The following MSRA variants were observed in gnomAD, a reference collection of about 807,000 sequenced individuals.
MSRA encodes methionine sulfoxide reductase A, also known as mitochondrial peptide methionine sulfoxide reductase.
A neutral mutation model predicts 31.3 loss-of-function variants in MSRA; 54 were observed. The ratio of observed to expected loss-of-function variants is 1.73; its 90% CI spans 1.39 to 2.17. MSRA has a LOEUF of 2.17. Ranked by LOEUF, MSRA falls within the 30% of genes most tolerant of loss-of-function variation. The pLI is 0.00. For missense variants in MSRA, 507 were observed against 300.9 expected, an observed-to-expected ratio of 1.69 and a Z score of -5.07; for synonymous variants, 169 against 116.5, an observed-to-expected ratio of 1.45 and a Z score of -2.90.
chr8:10,140,422 A>G (rs957315741), intron 1 of MSRA, among the ~76,000 whole-genome samples: 4 of 152,110 alleles, frequency 2.6e-5, no homozygotes, highest in African/African-American at 9.7e-5. Flanking sequence ...CTTTACAAAG[A>G]TTTCCTATTT....
At chr8:10,265,698 G>A (rs544002642) in intron 3 of MSRA, among the ~76,000 whole-genome samples, 3 of 152,184 alleles carry the variant, frequency 2.0e-5, no homozygotes, top group Non-Finnish European at 4.4e-5. Flanking sequence ...CCACAGTCAA[G>A]ATAATGAGCA....
At chr8:10,368,533 A>G (rs987494479) in intron 5 of MSRA, among the ~76,000 whole-genome samples, 1 of 152,264 alleles carries the variant, frequency 6.6e-6, no homozygotes, top group Admixed American at 6.5e-5. Context: ...ACTCATGGCC[A>G]ACACCGGAGT....
At chr8:10,209,126 T>C (rs888600276) in intron 2 of MSRA, among the ~76,000 whole-genome samples, 13 of 152,208 alleles carry the variant, frequency 8.5e-5, no homozygotes, top group African/African-American at 3.1e-4. Flanking sequence ...GAAATTTAAA[T>C]GGAGAAGTTG....
At chr8:10,278,466 T>C (rs2975648) in intron 3 of MSRA, among the ~76,000 whole-genome samples, 70,146 of 152,062 alleles carry the variant, frequency 0.46, 17,145 homozygotes, top group East Asian at 0.81. Flanking sequence ...ATTCAGGGGG[T>C]CATACAGCTT....
intron 2 of MSRA, among the ~76,000 whole-genome samples, chr8:10,226,398 G>T (rs1395340282): frequency 6.6e-6 from 1 of 152,144 alleles, no homozygotes; most frequent in African/African-American, 2.4e-5. Context: ...TTGCTTTGGG[G>T]ACCTTTCATG....
intron 3 of MSRA, among the ~76,000 whole-genome samples, chr8:10,270,900 C>T (rs147085807): frequency 0.01 from 1,591 of 152,228 alleles, 12 homozygotes; most frequent in Middle Eastern, 0.02. Flanking sequence ...GGGAGCCAGG[C>T]GCCTTCCCCA....
chr8:10,427,224 C>T lies in MSRA; in HGVS notation c.544-924C>T, dbSNP rs546646580. On this transcript the variant is annotated intron_variant, in intron 5 of 5. Transcript: ENST00000317173. ...GAGGCAGTGAGAGTGGGTTGAGCCT[C>T]TGTGGCCGTGTGCTCACATGCTTCA... Among the ~76,000 whole-genome samples, 19 of 152,284 alleles carry T rather than the reference C, an allele frequency of 1.2e-4. No homozygotes were observed. The South Asian group carries it at 3.7e-3, about 30-fold the overall frequency.
intron 5 of MSRA, among the ~76,000 whole-genome samples, chr8:10,405,978 A>G (rs568602876): frequency 6.6e-6 from 1 of 152,374 alleles, no homozygotes; most frequent in African/African-American, 2.4e-5. Flanking sequence ...GGCAGAGGAG[A>G]CTGAGACTGG....
At chr8:10,219,932 C>T (rs1040265238) in intron 2 of MSRA, among the ~76,000 whole-genome samples, 5 of 146,642 alleles carry the variant, frequency 3.4e-5, no homozygotes, top group African/African-American at 1.3e-4. Flanking sequence ...AGTGCCAGTT[C>T]TTTTTTTTCA....
chr8:10,248,504 G>A (rs1278314833), intron 3 of MSRA, among the ~76,000 whole-genome samples: 3 of 152,120 alleles, frequency 2.0e-5, no homozygotes, highest in African/African-American at 4.8e-5. Flanking sequence ...AGGAACCATC[G>A]GCTCAAGTTT....
intron 1 of MSRA, among the ~76,000 whole-genome samples, chr8:10,055,381 A>G (rs1276846308): frequency 1.3e-5 from 2 of 152,264 alleles, no homozygotes; most frequent in East Asian, 3.8e-4. Context: ...GTAAACTGCT[A>G]TAAAAGTTTT....
Position 10,119,205 on chromosome 8 carries a change from G to C in MSRA, c.142+64547G>C, listed in dbSNP as rs185821526. 2.5e-4 allele frequency among the ~76,000 whole-genome samples: 38 copies of C among 152,278 alleles called. No individual in the cohort carries two copies. In the East Asian group the frequency reaches 7.3e-3, roughly 29 times the overall value. ...ATTAAAGCCATTAACTCCATTATCT[G>C]GGATATTGTTTCAGGTATATTTTAA... On this transcript the variant is annotated intron_variant, in intron 1 of 5. Coordinates refer to ENST00000317173, the MANE Select transcript of MSRA (RefSeq NM_012331.5).
At chr8:10,363,652 C>T (rs550507660) in intron 5 of MSRA, among the ~76,000 whole-genome samples, 2 of 151,436 alleles carry the variant, frequency 1.3e-5, no homozygotes, top group East Asian at 3.9e-4. Flanking sequence ...TAAATGTTTA[C>T]TGAAAGGAAG....
At chr8:10,268,932 G>A (rs555598652) in intron 3 of MSRA, among the ~76,000 whole-genome samples, 111 of 152,172 alleles carry the variant, frequency 7.3e-4, no homozygotes, top group Non-Finnish European at 1.3e-3. Context: ...CTCTTGGGAC[G>A]CTTATTTTTA....
chr8:10,309,304 C>T lies in MSRA; in HGVS notation c.436+7666C>T, dbSNP rs979271925. On this transcript the variant is annotated intron_variant, in intron 4 of 5. Transcript: ENST00000317173. The stretch of plus-strand genomic sequence containing the variant: ...AGTTTGTGCCTTCTCAGTGTCGGGG[C>T]GCACACGGGCGCGGAGCCTGCCGTG... Among the ~76,000 whole-genome samples, 7 of 152,250 alleles carry T rather than the reference C, an allele frequency of 4.6e-5. No homozygotes were observed. The South Asian group carries it at 6.2e-4, about 13-fold the overall frequency.
At chr8:10,061,972 A>T (rs1322489830) in intron 1 of MSRA, among the ~76,000 whole-genome samples, 3 of 152,184 alleles carry the variant, frequency 2.0e-5, no homozygotes, top group Non-Finnish European at 4.4e-5. Flanking sequence ...CTTCAGGCTC[A>T]GGAGTTATTG....
chr8:10,094,399 C>A (rs771392240), intron 1 of MSRA, among the ~76,000 whole-genome samples: 36 of 152,282 alleles, frequency 2.4e-4, no homozygotes, highest in Non-Finnish European at 4.0e-4. Context: ...GTGAAGATGA[C>A]ACATTTGATT....
intron 5 of MSRA, among the ~76,000 whole-genome samples, chr8:10,367,062 C>T (rs1805208133): frequency 6.6e-6 from 1 of 152,124 alleles, no homozygotes; most frequent in South Asian, 2.1e-4. Flanking sequence ...ATAAACAATG[C>T]GAACATTTTA....
At chr8:10,147,619 G>A (rs996848278) in intron 1 of MSRA, among the ~76,000 whole-genome samples, 2 of 152,208 alleles carry the variant, frequency 1.3e-5, no homozygotes, top group Non-Finnish European at 2.9e-5. Flanking sequence ...GGGCCATGGG[G>A]CTGTCCTGGG....
Sources: allele counts gnomAD v4.1 joint callset (sites outside exome capture counted in the v4.1 genomes callset), GRCh38; gene constraint gnomAD v4.1.1; transcripts MANE v1.5; gene names NCBI Gene and HGNC (gene_info 2026-07-23, HGNC 2026-07-21).